DPEP2NB: variants seen among roughly 807,000 people sequenced by gnomAD.
DPEP2NB encodes DPEP2 neighbor protein.
For synonymous variants in DPEP2NB, 35 were observed against 55.3 expected (o/e 0.63, Z 1.63); for missense variants, 117 against 151.8 (o/e 0.77, Z 1.21).
Position 68,014,239 on chromosome 16 carries a change from C to A in DPEP2NB, c.241G>T (p.Ala81Ser). The change falls in exon 2 of 2, where the codon GCC becomes TCC. Residue 81 changes from alanine (A) to serine (S), a missense_variant. By Grantham distance (99) the Ala-to-Ser change is moderately conservative. Transcript: ENST00000574912. Reference sequence around the variant, plus strand: ...CGTCTCTTGGGAGCACGCCTGGGGGCTGGCTTCTCTGCTTCAGCCTTTGTT... The same window carrying A: ...CGTCTCTTGGGAGCACGCCTGGGGGATGGCTTCTCTGCTTCAGCCTTTGTT... ...TPTKAEAEKP[A>S]PRRAPKRRQA... is the part of the protein sequence containing the mutation. 1 of 1,231,728 alleles carries A rather than the reference C, an allele frequency of 8.1e-7. No homozygotes were observed. Among genetic ancestry groups the A allele is most frequent in the Non-Finnish European group, 1.0e-6 (1 of 987,996 alleles). 76.3% of individuals were successfully genotyped at this position (1,231,728 alleles called of 1,614,324 possible). A position where few individuals can be genotyped will look rare whatever the true frequency, so the allele number is the denominator to read the frequency against.
In DPEP2NB at chr16:68,014,138, C is replaced by G; in HGVS notation, c.342G>C (p.Arg114Ser). 4.1e-6 allele frequency: 5 copies of G among 1,231,798 alleles called. No homozygotes were observed. Among genetic ancestry groups the G allele is most frequent in the Non-Finnish European group, 4.0e-6 (4 of 988,004 alleles). 76.3% of individuals were successfully genotyped at this position (1,231,798 alleles called of 1,614,324 possible). A position where few individuals can be genotyped will look rare whatever the true frequency, so the allele number is the denominator to read the frequency against. Reference protein sequence around the residue: ...PKIRRLEHRGRRLTPQKLAG With the variant: ...PKIRRLEHRGSRLTPQKLAG ...CAGCAAGCTTCTGTGGGGTCAGTCT[C>G]CTGCCACGATGCTCCAAGCGCCGAA... Residue 114 changes from arginine (R) to serine (S), a missense_variant, in exon 2 of 2, where the codon AGG becomes AGC. Transcript: ENST00000574912.
chr16:68,015,175 T>A (rs1351314912), intron 1 of DPEP2NB, among the ~76,000 whole-genome samples: 1 of 151,784 alleles, frequency 6.6e-6, no homozygotes, highest in Non-Finnish European at 1.5e-5. Flanking sequence ...GCCGATCGCT[T>A]GAGCTCAGGA....
Position 68,014,288 on chromosome 16 carries a change from A to T in DPEP2NB, c.192T>A (p.His64Gln). ...TTGGGGTGGCCAAAGGAGCATCCCC[A>T]TGGACCCGGTAGCCACCAACCAGGC... ...TYCLVGGYRV[H>Q]GDAPLATPTK... is the part of the protein sequence containing the mutation. The change falls in exon 2 of 2, where the codon CAT becomes CAA. Residue 64 changes from histidine (H) to glutamine (Q), a missense_variant. By Grantham distance (24) the His-to-Gln change is conservative. Coordinates refer to ENST00000574912, the MANE Select transcript of DPEP2NB (RefSeq NM_001282442.2). The T allele has an allele frequency of 8.1e-7, 1 of 1,231,810 alleles. No homozygotes were observed. Among genetic ancestry groups the T allele is most frequent in the Non-Finnish European group, 1.0e-6 (1 of 988,046 alleles). 76.3% of individuals were successfully genotyped at this position (1,231,810 alleles called of 1,614,324 possible). A position where few individuals can be genotyped will look rare whatever the true frequency, so the allele number is the denominator to read the frequency against.
intron 1 of DPEP2NB, among the ~76,000 whole-genome samples, 162 bp downstream of exon 1, chr16:68,015,540 GCC>G (rs1386225381): frequency 1.3e-5 from 2 of 149,462 alleles, no homozygotes; most frequent in African/African-American, 5.0e-5. Context: ...AGGTGAACTT[GCC>G]CTGAGCAGGA....
Position 68,014,353 on chromosome 16 carries a change from A to G in DPEP2NB, c.127T>C (p.Cys43Arg). The G allele has an allele frequency of 1.6e-6, 2 of 1,231,708 alleles. No homozygotes were observed. The highest frequency in any genetic ancestry group is 2.0e-6 in the Non-Finnish European group (2 of 987,998). 76.3% of individuals were successfully genotyped at this position (1,231,708 alleles called of 1,614,324 possible). A position where few individuals can be genotyped will look rare whatever the true frequency, so the allele number is the denominator to read the frequency against. The change falls in exon 2 of 2, where the codon TGT becomes CGT. Residue 43 changes from cysteine to arginine, a missense_variant. Cys to Arg is a radical substitution (Grantham distance 180, BLOSUM62 -3). Coordinates refer to ENST00000574912, the MANE Select transcript of DPEP2NB (RefSeq NM_001282442.2). The part of the protein sequence containing the change: ...PGHYHVLYRG[C>R]GETQVGWHGE... ...TGCCAGCCTACCTGAGTTTCTCCACACCCTCGGTAGAGAACATGGTAGTGC... is the reference window on the plus strand; with the variant it reads ...TGCCAGCCTACCTGAGTTTCTCCACGCCCTCGGTAGAGAACATGGTAGTGC...
At chr16:68,015,620 G>T in intron 1 of DPEP2NB, 84 bp downstream of exon 1, 1 of 784,002 alleles carries the variant, frequency 1.3e-6, no homozygotes, top group Non-Finnish European at 1.7e-6. Context: ...GAGGTGTGGT[G>T]GGCCAGCCCA....
chr16:68,014,225 A>C lies in DPEP2NB; in HGVS notation c.255T>G (p.Ala85=). The change falls in exon 2 of 2, where the codon GCT becomes GCG. Residue 85 remains alanine, a synonymous_variant. Transcript: ENST00000574912. ...AEAEKPAPRR[A]PKRRQATIES... ...CTATCGTAGCTTGACGTCTCTTGGG[A>C]GCACGCCTGGGGGCTGGCTTCTCTG... is the stretch of plus-strand genomic sequence containing the variant. 1 of 1,231,634 alleles carries C rather than the reference A, an allele frequency of 8.1e-7. No homozygotes were observed. The highest frequency in any genetic ancestry group is 1.0e-6 in the Non-Finnish European group (1 of 987,986). The allele number at this position is 1,231,634 out of a possible 1,614,324, so 76.3% of individuals were successfully genotyped here. A position where few individuals can be genotyped will look rare whatever the true frequency, so the allele number is the denominator to read the frequency against.
At chr16:68,014,930 G>A (rs1256949722) in intron 1 of DPEP2NB, among the ~76,000 whole-genome samples, 1 of 151,960 alleles carries the variant, frequency 6.6e-6, no homozygotes, top group Non-Finnish European at 1.5e-5. Flanking sequence ...GCTTGAACCT[G>A]GGAGGCGGAG....
chr16:68,015,637 A>AT (rs1487787167), intron 1 of DPEP2NB, 67 bp downstream of exon 1: 11 of 932,920 alleles, frequency 1.2e-5, no homozygotes, highest in Non-Finnish European at 1.5e-5. Context: ...CCCAGAAGGA[A>AT]TGTGTCAGCC....
At chr16:68,015,387 C>CA (rs1169099685) in intron 1 of DPEP2NB, among the ~76,000 whole-genome samples, 311 of 23,554 alleles carry the variant, frequency 0.013, 15 homozygotes, top group East Asian at 0.025. Flanking sequence ...GAACCTGTCT[C>CA]AAAAAAAAAA....
At position 68,013,655 on chromosome 16, in the gene DPEP2NB, A is replaced by G. The variant is rs555702398; in HGVS notation, c.*453T>C. The G allele has an allele frequency of 9.3e-4, 142 of 153,136 alleles. No homozygotes were observed. The highest frequency in any genetic ancestry group is 3.4e-3 in the Middle Eastern group (1 of 296). The allele number at this position is 153,136 out of a possible 1,614,324, so 9.5% of individuals were successfully genotyped here. On this transcript the variant is annotated 3_prime_UTR_variant, in exon 2 of 2. Transcript: ENST00000574912. ...AGGCTTTCTCCTGCTGTGACTAGCC[A>G]TGGGCTGCTGCTTCCAGTTTCAGCA... is the stretch of plus-strand genomic sequence containing the variant.
In DPEP2NB at chr16:68,014,340, TGA is replaced by T; in HGVS notation, c.138_139del (p.Gln47GlyfsTer29). On this transcript the variant is annotated frameshift_variant, in exon 2 of 2. Coordinates refer to ENST00000574912, the MANE Select transcript of DPEP2NB (RefSeq NM_001282442.2). LOFTEE classifies it low-confidence loss of function (END_TRUNC). ...GTACGTCTCCCCATGCCAGCCTACC[TGA>T]GTTTCTCCACACCCTCGGTAGAGAA... 8.1e-7 allele frequency: 1 copy of T among 1,231,756 alleles called. No individual in the cohort carries two copies. The highest frequency in any genetic ancestry group is 1.0e-6 in the Non-Finnish European group (1 of 987,992). 76.3% of individuals were successfully genotyped at this position (1,231,756 alleles called of 1,614,324 possible).
Position 68,015,766 on chromosome 16 carries a change from G to A in DPEP2NB, c.5C>T (p.Thr2Ile), listed in dbSNP as rs1409285305. 1.6e-6 allele frequency: 2 copies of A among 1,230,864 alleles called. No individual in the cohort carries two copies. The highest frequency in any genetic ancestry group is 2.0e-6 in the Non-Finnish European group (2 of 987,300). The allele number at this position is 1,230,864 out of a possible 1,614,324, so 76.2% of individuals were successfully genotyped here. Residue 2 changes from threonine (T) to isoleucine (I), a missense_variant, in exon 1 of 2, where the codon ACT becomes ATT. Transcript: ENST00000574912. The part of the protein sequence containing the change: M[T>I]DRILYIVSNM... ...AGAGACAATATAGAGGATCCGGTCA[G>A]TCATTCTCTCTCAGCCAACCAAACA...
In DPEP2NB at chr16:68,014,432, T is replaced by C; in HGVS notation, c.68-20A>G. 1 of 1,229,896 alleles carries C rather than the reference T, an allele frequency of 8.1e-7. No homozygotes were observed. The highest frequency in any genetic ancestry group is 1.0e-6 in the Non-Finnish European group (1 of 986,288). 76.2% of individuals were successfully genotyped at this position (1,229,896 alleles called of 1,614,324 possible). On this transcript the variant is annotated intron_variant, in intron 1 of 1. Transcript: ENST00000574912. The stretch of plus-strand genomic sequence containing the variant: ...CTGCAGCTGGAAAGAAAACCAGAAT[T>C]AGTCACTTTTACCTTATACATTGTG...
intron 1 of DPEP2NB, among the ~76,000 whole-genome samples, chr16:68,015,259 G>A (rs983544049): frequency 4.6e-5 from 7 of 151,390 alleles, no homozygotes; most frequent in African/African-American, 1.7e-4. Flanking sequence ...TGGGTGTGGT[G>A]GCGCGTGCCT....
In DPEP2NB at chr16:68,013,449, T is replaced by C. The variant is rs1377899698; in HGVS notation, c.*659A>G. The C allele has an allele frequency of 6.6e-6, 1 of 151,130 alleles. No homozygotes were observed. The highest frequency in any genetic ancestry group is 1.5e-5 in the Non-Finnish European group (1 of 67,770). 9.4% of individuals were successfully genotyped at this position (151,130 alleles called of 1,614,324 possible). A position where few individuals can be genotyped will look rare whatever the true frequency, so the allele number is the denominator to read the frequency against. ...CAAGTCAAATACTGTTATGGAAAAA[T>C]AATTTTTTTAATTTTTTTTTAAATT... is the stretch of plus-strand genomic sequence containing the variant. On this transcript the variant is annotated 3_prime_UTR_variant, in exon 2 of 2. Transcript: ENST00000574912.
Position 68,014,218 on chromosome 16 carries a change from T to C in DPEP2NB, c.262A>G (p.Arg88Gly). 8.1e-7 allele frequency: 1 copy of C among 1,231,742 alleles called. No homozygotes were observed. Among genetic ancestry groups the C allele is most frequent in the Non-Finnish European group, 1.0e-6 (1 of 987,998 alleles). The allele number at this position is 1,231,742 out of a possible 1,614,324, so 76.3% of individuals were successfully genotyped here. The part of the protein sequence containing the change: ...EKPAPRRAPK[R>G]RQATIESDKD... ...TCTGACTCTATCGTAGCTTGACGTCTCTTGGGAGCACGCCTGGGGGCTGGC... is the reference window on the plus strand; with the variant it reads ...TCTGACTCTATCGTAGCTTGACGTCCCTTGGGAGCACGCCTGGGGGCTGGC... Residue 88 changes from arginine to glycine, a missense_variant, in exon 2 of 2, where the codon AGA (arginine) becomes GGA (glycine). Physicochemically the swap from Arg to Gly is moderately radical, Grantham distance 125. Transcript: ENST00000574912.
rs1256813467 is a variant in DPEP2NB, at chr16:68,013,625, G to A, written c.*483C>T. On this transcript the variant is annotated 3_prime_UTR_variant, in exon 2 of 2. Coordinates refer to ENST00000574912, the MANE Select transcript of DPEP2NB (RefSeq NM_001282442.2). The stretch of plus-strand genomic sequence containing the variant: ...TTTCTTCTACCTCCTGAGATGCCAA[G>A]CAGGAGGCTTTCTCCTGCTGTGACT... The A allele has an allele frequency of 1.3e-5, 2 of 152,406 alleles. No individual in the cohort carries two copies. Among genetic ancestry groups the A allele is most frequent in the Admixed American group, 6.6e-5 (1 of 15,248 alleles). 9.4% of individuals were successfully genotyped at this position (152,406 alleles called of 1,614,324 possible).
At chr16:68,014,538 A>G (rs1021962321) in intron 1 of DPEP2NB, 126 bp from the exon 2 acceptor site, 25 of 535,702 alleles carry the variant, frequency 4.7e-5, no homozygotes, top group Middle Eastern at 5.2e-4. Context: ...GCCTTGGCCT[A>G]TCACCTCTAT....
Sources: allele counts gnomAD v4.1 joint callset (sites outside exome capture counted in the v4.1 genomes callset), GRCh38; gene constraint gnomAD v4.1.1; transcripts MANE v1.5; gene names NCBI Gene and HGNC (gene_info 2026-07-23, HGNC 2026-07-21).